The following KLK1 variants were observed in gnomAD, a reference collection of about 807,000 sequenced individuals.
KLK1 encodes the protein kallikrein-1.
Under a neutral mutation model 23.3 loss-of-function variants are expected in KLK1, and 22 were observed. That is an observed-to-expected ratio of 0.95 (90% CI 0.68 to 1.35). The LOEUF (loss-of-function observed/expected upper bound fraction) is 1.35. KLK1 is among the 40% of genes most tolerant of loss of function. The pLI is 0.00. For missense variants in KLK1, 301 were observed against 338.9 expected (o/e 0.89, Z 0.88); for synonymous variants, 140 against 135.8 (o/e 1.03, Z -0.21).
chr19:50,819,462 G>A (rs1285093963), intron 4 of KLK1, 113 bp from the exon 5 acceptor site: 1 of 1,087,158 alleles, frequency 9.2e-7, no homozygotes, highest in Admixed American at 2.6e-5. Context: ...AGAGGAAGGT[G>A]GGCAGGGATT....
intron 2 of KLK1, 64 bp from the exon 3 acceptor site, chr19:50,820,507 AGCATGGGGG>A: frequency 1.8e-5 from 5 of 273,826 alleles, no homozygotes; most frequent in South Asian, 4.7e-5. Flanking sequence ...GGGGCAGGGG[AGCATGGGGG>A]AGGGTCCCCA....
At chr19:50,820,706 G>T in intron 2 of KLK1, 2 of 361,330 alleles carry the variant, frequency 5.5e-6, no homozygotes, top group Non-Finnish European at 1.0e-5. Context: ...GCGGAGGGGA[G>T]GGCAGTGAGA....
chr19:50,819,181 C>T lies in KLK1; in HGVS notation c.*13G>A, dbSNP rs1215745643. ...ATTTGATTTTACTGGGGGTAGGGGA[C>T]AGGGCTGGGCGTTCAGGAGTTCTCC... is the stretch of plus-strand genomic sequence containing the variant. On this transcript the variant is annotated 3_prime_UTR_variant, in exon 5 of 5. Coordinates refer to ENST00000301420, the MANE Select transcript of KLK1 (RefSeq NM_002257.4). 1 of 1,603,878 alleles carries T rather than the reference C, an allele frequency of 6.2e-7. No homozygotes were observed. The highest frequency in any genetic ancestry group is 1.1e-5 in the South Asian group (1 of 90,178).
At chr19:50,820,480 GAA>G in intron 2 of KLK1, 37 bp from the exon 3 acceptor site, 1 of 687,914 alleles carries the variant, frequency 1.5e-6, no homozygotes, top group Non-Finnish European at 2.4e-6. Flanking sequence ...GAGAAGACGG[GAA>G]GGGGAAAAGG....
In KLK1 at chr19:50,820,462, G is replaced by A; in HGVS notation, c.207-19C>T. 1 of 1,573,566 alleles carries A rather than the reference G, an allele frequency of 6.4e-7. No homozygotes were observed. The highest frequency in any genetic ancestry group is 8.7e-7 in the Non-Finnish European group (1 of 1,152,630). Reference sequence around the variant, plus strand: ...GTAATTGCTGGGGAAAGATGGGAATGGAGGGATGAGAAGACGGGAAGGGGA... The same window carrying A: ...GTAATTGCTGGGGAAAGATGGGAATAGAGGGATGAGAAGACGGGAAGGGGA... On this transcript the variant is annotated intron_variant, in intron 2 of 4. Coordinates refer to ENST00000301420, the MANE Select transcript of KLK1 (RefSeq NM_002257.4).
Position 50,820,434 on chromosome 19 carries a change from C to G in KLK1, c.216G>C (p.Gln72His). ...ACAAGTTGTGGCGACCCAGCCAGAG[C>G]TGGTAATTGCTGGGGAAAGATGGGA... ...TAAHCISDNY[Q>H]LWLGRHNLFD... is the part of the protein sequence containing the mutation. The change falls in exon 3 of 5, where the codon CAG (glutamine) becomes CAC (histidine). Residue 72 changes from glutamine (Q) to histidine (H), a missense_variant. By Grantham distance (24) the Gln-to-His change is conservative. Coordinates refer to ENST00000301420, the MANE Select transcript of KLK1 (RefSeq NM_002257.4). 4 of 1,392,340 alleles carry G rather than the reference C, an allele frequency of 2.9e-6. No individual in the cohort carries two copies. Among genetic ancestry groups the G allele is most frequent in the Non-Finnish European group, 2.9e-6 (3 of 1,046,688 alleles). 86.2% of individuals were successfully genotyped at this position (1,392,340 alleles called of 1,614,324 possible).
chr19:50,820,547 A>C, intron 2 of KLK1, 104 bp from the exon 3 acceptor site: 5 of 815,762 alleles, frequency 6.1e-6, no homozygotes, highest in East Asian at 2.5e-5. Flanking sequence ...GGGAAAGAGA[A>C]AAATGTGGGT....
rs202094007 is a variant in KLK1, at chr19:50,820,046, G to A, written c.497-11C>T. The A allele has an allele frequency of 2.0e-5, 32 of 1,613,560 alleles. No homozygotes were observed. In the East Asian group the frequency reaches 4.0e-4, roughly 20 times the overall value. ...CATCTGGAAATGAGACTACGAACCC[G>A]GGAGAAAAAGGGCTGCAGCCCGACC... On this transcript the variant is annotated splice_polypyrimidine_tract_variant and intron_variant, in intron 3 of 4. Coordinates refer to ENST00000301420, the MANE Select transcript of KLK1 (RefSeq NM_002257.4).
At position 50,819,299 on chromosome 19, in the gene KLK1, T is replaced by C. The variant is rs778716256; in HGVS notation, c.684A>G (p.Thr228=). The part of the protein sequence containing the change: ...LMCDGVLQGV[T]SWGYVPCGTP... ...TGCCACAAGGGACGTAGCCCCATGA[T>C]GTGACACCTTGGAGCACACCATCAC... Residue 228 remains threonine (T), a synonymous_variant, in exon 5 of 5, where the codon ACA becomes ACG. Transcript: ENST00000301420. The C allele has an allele frequency of 6.2e-6, 10 of 1,614,126 alleles. No homozygotes were observed. The South Asian group carries it at 1.1e-4, about 18-fold the overall frequency.
intron 2 of KLK1, 146 bp from the exon 3 acceptor site, chr19:50,820,589 T>C (rs2089821353): frequency 6.4e-6 from 4 of 620,734 alleles, no homozygotes; most frequent in Middle Eastern, 2.9e-4. Flanking sequence ...GATATAGTTA[T>C]GGAGAAATAC....
In KLK1 at chr19:50,821,985, G is replaced by A. The variant is rs919893030; in HGVS notation, c.47-114C>T. The A allele has an allele frequency of 3.6e-5, 53 of 1,462,410 alleles. No individual in the cohort carries two copies. Among genetic ancestry groups the A allele is most frequent in the Admixed American group, 2.6e-5 (1 of 38,444 alleles). 90.6% of individuals were successfully genotyped at this position (1,462,410 alleles called of 1,614,324 possible). ...AAGGGACATTGCGGGTAGAGGACCAGGGCTGGAGGTTGGGGACATGGGCAA... is the reference window on the plus strand; with the variant it reads ...AAGGGACATTGCGGGTAGAGGACCAAGGCTGGAGGTTGGGGACATGGGCAA... On this transcript the variant is annotated intron_variant, in intron 1 of 4. Coordinates refer to ENST00000301420, the MANE Select transcript of KLK1 (RefSeq NM_002257.4). This position sits in a 1 kb window ranked among gnomAD's most constrained non-coding sequence, Gnocchi z 5.6.
intron 1 of KLK1, among the ~76,000 whole-genome samples, chr19:50,823,215 T>TTC (rs2089838787): frequency 6.6e-6 from 1 of 151,914 alleles, no homozygotes; most frequent in South Asian, 2.1e-4. Flanking sequence ...GAGGACACAG[T>TTC]TGAGAGCGGA....
In KLK1 at chr19:50,819,173, GT is replaced by G; in HGVS notation, c.*20del. The G allele has an allele frequency of 6.3e-7, 1 of 1,594,722 alleles. No individual in the cohort carries two copies. The highest frequency in any genetic ancestry group is 8.6e-7 in the Non-Finnish European group (1 of 1,166,382). ...GGATGCACATTTGATTTTACTGGGGGTAGGGGACAGGGCTGGGCGTTCAGGA... is the reference window on the plus strand; with the variant it reads ...GGATGCACATTTGATTTTACTGGGGGAGGGGACAGGGCTGGGCGTTCAGGA... On this transcript the variant is annotated 3_prime_UTR_variant, in exon 5 of 5. Coordinates refer to ENST00000301420, the MANE Select transcript of KLK1 (RefSeq NM_002257.4).
chr19:50,820,666 A>C, intron 2 of KLK1: 1 of 457,260 alleles, frequency 2.2e-6, no homozygotes, highest in Non-Finnish European at 3.9e-6. Flanking sequence ...AGAGCAAAAA[A>C]GAGCTCAAAA....
chr19:50,819,693 G>T (rs1330369827), intron 4 of KLK1, among the ~76,000 whole-genome samples: 1 of 151,998 alleles, frequency 6.6e-6, no homozygotes, highest in Non-Finnish European at 1.5e-5. Context: ...TTACCACGAG[G>T]AACGGTGAAC....
chr19:50,823,607 TG>T, intron 1 of KLK1, 95 bp downstream of exon 1: 2 of 658,104 alleles, frequency 3.0e-6, no homozygotes, highest in Non-Finnish European at 5.0e-6. Flanking sequence ...GGGATGAGGG[TG>T]GGGTGTTGGA....
intron 1 of KLK1, 133 bp from the exon 2 acceptor site, chr19:50,822,004 T>C: frequency 3.5e-6 from 5 of 1,440,268 alleles, no homozygotes; most frequent in Non-Finnish European, 4.5e-6. Flanking sequence ...GTTGGGGACA[T>C]GGGCAAGGGG....
chr19:50,821,750 G>C lies in KLK1; in HGVS notation c.168C>G (p.His56Gln). ...STFQCGGILV[H>Q]RQWVLTAAHC... Reference sequence around the variant, plus strand: ...GAGCAGCTGTGAGCACCCACTGGCGGTGCACCAGGATGCCCCCACACTGGA... The same window carrying C: ...GAGCAGCTGTGAGCACCCACTGGCGCTGCACCAGGATGCCCCCACACTGGA... Residue 56 changes from histidine to glutamine, a missense_variant, in exon 2 of 5, where the codon CAC becomes CAG. His to Gln is a conservative substitution (Grantham distance 24, BLOSUM62 0). Transcript: ENST00000301420. The surrounding 1 kb of genome is among the most constrained non-coding windows in gnomAD (Gnocchi z 5.6). 6.2e-7 allele frequency: 1 copy of C among 1,613,818 alleles called. No individual in the cohort carries two copies. The highest frequency in any genetic ancestry group is 8.5e-7 in the Non-Finnish European group (1 of 1,179,908).
rs746273164 is a variant in KLK1, at chr19:50,823,713, C to G, written c.36G>C (p.Leu12=). Residue 12 remains leucine, a synonymous_variant, in exon 1 of 5, where the codon CTG becomes CTC. Transcript: ENST00000301420. ...WFLVLCLALS[L]GGTGAAPPIQ... Reference sequence around the variant, plus strand: ...CCCCCACTGTCTCACCAGTCCCCCCCAGGGACAGGGCGAGGCACAGAACCA... The same window carrying G: ...CCCCCACTGTCTCACCAGTCCCCCCGAGGGACAGGGCGAGGCACAGAACCA... 6 of 1,608,414 alleles carry G rather than the reference C, an allele frequency of 3.7e-6. No homozygotes were observed. The highest frequency in any genetic ancestry group is 4.3e-6 in the Non-Finnish European group (5 of 1,175,568).
Sources: allele counts gnomAD v4.1 joint callset (sites outside exome capture counted in the v4.1 genomes callset), GRCh38; gene constraint gnomAD v4.1.1; non-coding constraint Gnocchi (gnomAD v3.1); transcripts MANE v1.5; gene names NCBI Gene and HGNC (gene_info 2026-07-23, HGNC 2026-07-21).